Variants in B3GALT1 observed in about 807,000 individuals in gnomAD.
The protein encoded by B3GALT1 is UDP-Gal:betaGlcNAc beta 1,3-galactosyltransferase, polypeptide 1.
In B3GALT1, 10 loss-of-function variants were observed where a neutral mutation model predicts 23.2. The ratio of observed to expected loss-of-function variants is 0.43; its 90% CI spans 0.27 to 0.73. The LOEUF (loss-of-function observed/expected upper bound fraction) is 0.73, where lower values mean the gene tolerates loss of function less well. Among genes scored for constraint, B3GALT1 ranks in the 30% least tolerant of loss-of-function variants. The pLI is 0.21. For missense variants in B3GALT1, 299 were observed against 405.4 expected (o/e 0.74, Z 2.25); for synonymous variants, 156 against 141.5 (o/e 1.10, Z -0.73).
At chr2:167,516,890 C>T (rs1415332480) in intron 2 of B3GALT1, among the ~76,000 whole-genome samples, 1 of 151,748 alleles carries the variant, frequency 6.6e-6, no homozygotes, top group Non-Finnish European at 1.5e-5. Flanking sequence ...ATGTTTCAAT[C>T]CCGTGACCAG....
intron 2 of B3GALT1, among the ~76,000 whole-genome samples, chr2:167,574,183 A>G (rs1684345234): frequency 1.3e-5 from 2 of 151,734 alleles, no homozygotes; most frequent in African/African-American, 4.8e-5. Context: ...ATAATACTAT[A>G]TTAAAAAACA....
chr2:167,497,297 G>A lies in B3GALT1; in HGVS notation c.-410+7020G>A, dbSNP rs16853646. On this transcript the variant is annotated intron_variant, in intron 2 of 4. Coordinates refer to ENST00000392690, the MANE Select transcript of B3GALT1 (RefSeq NM_020981.4). Reference sequence around the variant, plus strand: ...TGGTTAGAAGAGTCTCCATGAAGCGGGAGGTATCTGAGCAAATATCTGAAA... The same window carrying A: ...TGGTTAGAAGAGTCTCCATGAAGCGAGAGGTATCTGAGCAAATATCTGAAA... Among the ~76,000 whole-genome samples, 1,045 of 152,214 alleles carry A rather than the reference G, an allele frequency of 6.9e-3. 8 individuals carry two copies. The highest frequency in any genetic ancestry group is 0.021 in the African/African-American group (880 of 41,532).
chr2:167,734,931 C>G (rs1409527845), intron 3 of B3GALT1, among the ~76,000 whole-genome samples: 1 of 151,896 alleles, frequency 6.6e-6, no homozygotes, highest in Non-Finnish European at 1.5e-5. Flanking sequence ...TTTTTCTGCC[C>G]CCTCCTCATT....
chr2:167,720,369 T>C (rs1231454441), intron 3 of B3GALT1, among the ~76,000 whole-genome samples: 4 of 152,204 alleles, frequency 2.6e-5, no homozygotes, highest in Admixed American at 1.3e-4. Flanking sequence ...TTCCATTATC[T>C]GTCTGCTTCA....
chr2:167,806,588 C>T (rs981733556), intron 3 of B3GALT1, among the ~76,000 whole-genome samples: 6 of 152,078 alleles, frequency 3.9e-5, no homozygotes, highest in African/African-American at 1.4e-4. Context: ...TAGTTTTTGT[C>T]GTTGGTTCTG....
chr2:167,382,342 A>T (rs1189479416), intron 1 of B3GALT1, among the ~76,000 whole-genome samples: 2 of 151,544 alleles, frequency 1.3e-5, no homozygotes, highest in Admixed American at 6.6e-5. Context: ...TAAAAAATGA[A>T]TTTTTTCCCT....
intron 2 of B3GALT1, among the ~76,000 whole-genome samples, chr2:167,635,030 C>G (rs1007774007): frequency 7.2e-5 from 11 of 152,128 alleles, no homozygotes; most frequent in Non-Finnish European, 4.4e-5. Context: ...CCCTGGGATG[C>G]AGGGTTGGTT....
chr2:167,535,191 A>T lies in B3GALT1; in HGVS notation c.-410+44914A>T, dbSNP rs190016510. Among the ~76,000 whole-genome samples the T allele has an allele frequency of 2.1e-4, 32 of 152,342 alleles. No individual in the cohort carries two copies. In the East Asian group the frequency reaches 6.0e-3, roughly 28 times the overall value. Reference sequence around the variant, plus strand: ...GTATAAAGAATAAAAGCAGTAAATCATAGAGTTATAGATTTTTTTAAGTGG... The same window carrying T: ...GTATAAAGAATAAAAGCAGTAAATCTTAGAGTTATAGATTTTTTTAAGTGG... On this transcript the variant is annotated intron_variant, in intron 2 of 4. Transcript: ENST00000392690.
chr2:167,414,695 G>C (rs1293590778), intron 1 of B3GALT1, among the ~76,000 whole-genome samples: 3 of 152,128 alleles, frequency 2.0e-5, no homozygotes, highest in African/African-American at 7.2e-5. Flanking sequence ...TATGAACCTA[G>C]GGTAATGCCC....
chr2:167,379,401 A>G (rs1697810956), intron 1 of B3GALT1, among the ~76,000 whole-genome samples: 1 of 151,904 alleles, frequency 6.6e-6, no homozygotes, highest in Non-Finnish European at 1.5e-5. Flanking sequence ...TTTCCCTATA[A>G]TATTATTATT....
intron 4 of B3GALT1, among the ~76,000 whole-genome samples, chr2:167,844,332 A>G (rs575844392): frequency 6.6e-6 from 1 of 152,288 alleles, no homozygotes; most frequent in African/African-American, 2.4e-5. Flanking sequence ...CGACTGCAAG[A>G]ACAAACCAGA....
chr2:167,825,832 T>TA (rs1385403532), intron 4 of B3GALT1, among the ~76,000 whole-genome samples: 1 of 152,212 alleles, frequency 6.6e-6, no homozygotes, highest in Admixed American at 6.5e-5. Flanking sequence ...CATAGGTGTT[T>TA]AACAACTTAT....
intron 1 of B3GALT1, among the ~76,000 whole-genome samples, chr2:167,333,793 C>A (rs1246103339): frequency 1.3e-5 from 2 of 152,030 alleles, no homozygotes; most frequent in Non-Finnish European, 2.9e-5. Context: ...AGGAAGTGAA[C>A]TAGATTAGCC....
intron 3 of B3GALT1, chr2:167,714,920 A>C (rs1687119679): frequency 3.7e-6 from 6 of 1,611,410 alleles, no homozygotes; most frequent in Non-Finnish European, 5.1e-6. Flanking sequence ...CATTATTTTA[A>C]GTTTCTGTTG....
intron 1 of B3GALT1, among the ~76,000 whole-genome samples, chr2:167,323,700 T>C (rs1207639528): frequency 2.0e-5 from 3 of 152,214 alleles, no homozygotes; most frequent in Admixed American, 6.5e-5. Context: ...ATATTACTTA[T>C]ATTCTGTTTC....
intron 4 of B3GALT1, among the ~76,000 whole-genome samples, chr2:167,836,843 A>C (rs956152468): frequency 5.9e-5 from 9 of 152,242 alleles, no homozygotes; most frequent in Admixed American, 4.6e-4. Flanking sequence ...GAGAAACTCT[A>C]CAAGCCAGAA....
intron 2 of B3GALT1, among the ~76,000 whole-genome samples, chr2:167,601,497 A>C (rs1401565975): frequency 6.6e-6 from 1 of 152,206 alleles, no homozygotes; most frequent in Admixed American, 6.5e-5. Flanking sequence ...AAAACGCTCT[A>C]ATATCTCCAT....
chr2:167,555,424 A>G (rs1683826944), intron 2 of B3GALT1, among the ~76,000 whole-genome samples: 1 of 152,306 alleles, frequency 6.6e-6, no homozygotes, highest in South Asian at 2.1e-4. Context: ...CCGTGTTACT[A>G]GGATAAAGTA....
chr2:167,376,765 A>G (rs1697771098), intron 1 of B3GALT1, among the ~76,000 whole-genome samples: 1 of 152,006 alleles, frequency 6.6e-6, no homozygotes. Context: ...TGGTCTATCA[A>G]TCTTGTTTAT....
Sources: allele counts gnomAD v4.1 joint callset (sites outside exome capture counted in the v4.1 genomes callset), GRCh38; gene constraint gnomAD v4.1.1; transcripts MANE v1.5; gene names NCBI Gene and HGNC (gene_info 2026-07-23, HGNC 2026-07-21).